EIF2AK3: variants seen among roughly 807,000 people sequenced by gnomAD.
EIF2AK3 encodes eukaryotic translation initiation factor 2-alpha kinase 3.
EIF2AK3 carries 50 observed loss-of-function variants against 113.5 expected under a neutral mutation model. The observed-to-expected ratio is 0.44, with a 90% CI of 0.35 to 0.56. The LOEUF (loss-of-function observed/expected upper bound fraction) is 0.56. EIF2AK3 is among the 20% of genes least tolerant of loss of function. EIF2AK3 has a pLI of 0.00. For synonymous variants in EIF2AK3, 448 were observed against 495.4 expected (o/e 0.90, Z 1.27); for missense variants, 1,185 against 1,378.0 (o/e 0.86, Z 2.22).
chr2:88,617,653 A>T (rs1329764018), intron 1 of EIF2AK3, among the ~76,000 whole-genome samples: 1 of 151,560 alleles, frequency 6.6e-6, no homozygotes, highest in Non-Finnish European at 1.5e-5. Flanking sequence ...CCTACTCAGG[A>T]GGCTAAGGCA....
intron 13 of EIF2AK3, among the ~76,000 whole-genome samples, chr2:88,571,257 G>A (rs890912706): frequency 6.6e-5 from 10 of 152,174 alleles, no homozygotes; most frequent in African/African-American, 2.4e-4. Context: ...AAGAGTGCTA[G>A]TATTTATTGA....
intron 1 of EIF2AK3, among the ~76,000 whole-genome samples, chr2:88,617,767 A>AG (rs1404394366): frequency 6.6e-6 from 1 of 151,390 alleles, no homozygotes; most frequent in Admixed American, 6.6e-5. Context: ...AAAAAAAAAA[A>AG]GAAAAACTAC....
intron 3 of EIF2AK3, 115 bp downstream of exon 3, chr2:88,595,354 C>A (rs1332017931): frequency 3.7e-5 from 39 of 1,057,400 alleles, no homozygotes; most frequent in Non-Finnish European, 2.1e-5. Flanking sequence ...CAAATGACAA[C>A]CTCAGGGGAA....
intron 9 of EIF2AK3, among the ~76,000 whole-genome samples, chr2:88,585,193 T>A (rs112833022): frequency 2.0e-4 from 31 of 152,098 alleles, no homozygotes; most frequent in Admixed American, 5.9e-4. Flanking sequence ...TGTGAAGATA[T>A]CTAGGAGGAA....
At chr2:88,572,498 T>C (rs1251140125) in intron 13 of EIF2AK3, among the ~76,000 whole-genome samples, 1 of 152,174 alleles carries the variant, frequency 6.6e-6, no homozygotes, top group Non-Finnish European at 1.5e-5. Context: ...TTGGTTTAAG[T>C]AGAATAAAAT....
intron 11 of EIF2AK3, among the ~76,000 whole-genome samples, chr2:88,578,845 A>T (rs1674528550): frequency 6.6e-6 from 1 of 152,212 alleles, no homozygotes; most frequent in Non-Finnish European, 1.5e-5. Context: ...AAAAAGATGA[A>T]TACTGCAAAG....
chr2:88,567,048 A>C (rs1674148448), intron 14 of EIF2AK3, among the ~76,000 whole-genome samples: 3 of 152,230 alleles, frequency 2.0e-5, no homozygotes, highest in African/African-American at 7.2e-5. Context: ...CCTTCTTTTA[A>C]TATATTATAA....
At chr2:88,618,092 G>T (rs1675632323) in intron 1 of EIF2AK3, among the ~76,000 whole-genome samples, 1 of 152,168 alleles carries the variant, frequency 6.6e-6, no homozygotes, top group South Asian at 2.1e-4. Context: ...TGAGGTGGGA[G>T]GATTGCTTGT....
chr2:88,592,244 ATTAT>A (rs1344920585), intron 4 of EIF2AK3, among the ~76,000 whole-genome samples: 3 of 152,206 alleles, frequency 2.0e-5, no homozygotes, highest in African/African-American at 4.8e-5. Context: ...TAAGGGGTTC[ATTAT>A]TTAAAGAAGG....
At chr2:88,563,376 C>A (rs1274457569) in intron 14 of EIF2AK3, among the ~76,000 whole-genome samples, 1 of 152,132 alleles carries the variant, frequency 6.6e-6, no homozygotes, top group Non-Finnish European at 1.5e-5. Flanking sequence ...AGTGGCATCA[C>A]CCTCTTCCCT....
rs35226268 is a variant in EIF2AK3, at chr2:88,576,576, C to T, written c.2014G>A (p.Glu672Lys). 1.0e-3 allele frequency: 1,671 copies of T among 1,614,120 alleles called. 25 individuals carry two copies. In the East Asian group the frequency reaches 0.03, roughly 29 times the overall value. ...TACCTTTCATCTTTCAGCCAAATTT[C>T]ATCCATCTTTTCTTGCCACTTCTCT... ...PPEKWQEKMD[E>K]IWLKDESTDW... The change falls in exon 12 of 17, where the codon GAA becomes AAA. Residue 672 changes from glutamate (E) to lysine (K), a missense_variant. Glu to Lys is a moderately conservative substitution (Grantham distance 56). This residue lies in a region of EIF2AK3 where 877 missense variants were observed against 1,024.2 expected (regional missense o/e 0.86). Coordinates refer to ENST00000303236, the MANE Select transcript of EIF2AK3 (RefSeq NM_004836.7).
rs1488131391 is a variant in EIF2AK3, at chr2:88,601,852, T to C, written c.439-6189A>G. Among the ~76,000 whole-genome samples, 36 of 149,476 alleles carry C rather than the reference T, an allele frequency of 2.4e-4. No homozygotes were observed. The South Asian group carries it at 6.8e-3, about 28-fold the overall frequency. Reference sequence around the variant, plus strand: ...GATTTTTCTTTTTTTTTTTTTTTTTTTTTGCTTTTCTTTTTTTGAGATGGG... The same window carrying C: ...GATTTTTCTTTTTTTTTTTTTTTTTCTTTGCTTTTCTTTTTTTGAGATGGG... On this transcript the variant is annotated intron_variant, in intron 2 of 16. Coordinates refer to ENST00000303236, the MANE Select transcript of EIF2AK3 (RefSeq NM_004836.7).
intron 14 of EIF2AK3, among the ~76,000 whole-genome samples, chr2:88,566,420 T>C (rs778973709): frequency 3.9e-5 from 6 of 152,216 alleles, no homozygotes; most frequent in Non-Finnish European, 8.8e-5. Context: ...GCTGAGATTA[T>C]AGGCTCAAGC....
chr2:88,609,300 G>C (rs1675372593), intron 2 of EIF2AK3, among the ~76,000 whole-genome samples: 2 of 152,206 alleles, frequency 1.3e-5, no homozygotes, highest in African/African-American at 4.8e-5. Flanking sequence ...ATAGCACACA[G>C]TTTTCAAACA....
chr2:88,562,481 C>T, intron 14 of EIF2AK3, 91 bp from the exon 15 acceptor site: 4 of 1,067,660 alleles, frequency 3.7e-6, no homozygotes, highest in Non-Finnish European at 5.8e-6. Context: ...TTTACTTAGT[C>T]ACTTCTTGGT....
chr2:88,566,654 A>T (rs1307118802), intron 14 of EIF2AK3, among the ~76,000 whole-genome samples: 3 of 152,158 alleles, frequency 2.0e-5, no homozygotes, highest in Non-Finnish European at 4.4e-5. Context: ...GAGGGTTTTA[A>T]AATTTCCAGT....
At chr2:88,575,534 CT>C (rs767118326) in intron 12 of EIF2AK3, 88 bp from the exon 13 acceptor site, 68 of 1,431,162 alleles carry the variant, frequency 4.8e-5, no homozygotes, top group Non-Finnish European at 6.3e-5. Context: ...AAAGCTTCAA[CT>C]GTAATAAGGC....
rs569986678 is a variant in EIF2AK3 at position 88,612,812 on chromosome 2, T to C, written c.438+912A>G. The stretch of plus-strand genomic sequence containing the variant: ...TACTTAATATCAGCTAGGAAGCTTT[T>C]TAAAGAAAAAGACTGATGACAAAAG... On this transcript the variant is annotated intron_variant, in intron 2 of 16. Transcript: ENST00000303236. Among the ~76,000 whole-genome samples the C allele has an allele frequency of 3.5e-4, 54 of 152,244 alleles. No homozygotes were observed. In the South Asian group the frequency reaches 1.0e-2, roughly 28 times the overall value.
chr2:88,616,576 G>A lies in EIF2AK3; in HGVS notation c.309-2723C>T, dbSNP rs190722396. Among the ~76,000 whole-genome samples, 214 of 151,998 alleles carry A rather than the reference G, an allele frequency of 1.4e-3. 1 individual carries two copies. The highest frequency in any genetic ancestry group is 4.4e-3 in the African/African-American group (183 of 41,430). ...CAAGTAGCTGGGATTACAGGTGCCC[G>A]CCATCACACCCGGCTAATTTTTATA... On this transcript the variant is annotated intron_variant, in intron 1 of 16. Transcript: ENST00000303236.
Sources: gnomAD v4.1 joint callset for allele counts (sites outside exome capture counted in the v4.1 genomes callset) on GRCh38, gnomAD v4.1.1 for gene constraint, gnomAD v4.1.1 regional missense constraint, MANE v1.5 for transcripts, NCBI Gene and HGNC (gene_info 2026-07-23, HGNC 2026-07-21) for gene names.